The following NSUN3 variants were observed in gnomAD, a reference collection of about 807,000 sequenced individuals.
NSUN3 encodes tRNA (cytosine(34)-C(5))-methyltransferase, mitochondrial.
NSUN3 carries 24 observed loss-of-function variants against 36.8 expected under a neutral mutation model. The ratio of observed to expected loss-of-function variants is 0.65; its 90% confidence interval spans 0.47 to 0.92. The LOEUF (loss-of-function observed/expected upper bound fraction) is 0.92. Among genes scored for constraint, NSUN3 ranks in the 40% least tolerant of loss-of-function variants. The probability of loss-of-function intolerance (pLI) is 0.00; values close to 1 mark genes in which losing one functional copy is unlikely to be tolerated. For synonymous variants in NSUN3, 146 were observed against 145.2 expected, an observed-to-expected ratio of 1.01 and a Z score of -0.04; for missense variants, 381 against 392.8, an observed-to-expected ratio of 0.97 and a Z score of 0.25.
At position 94,084,165 on chromosome 3, in the gene NSUN3, T is replaced by G; in HGVS notation, c.181T>G (p.Tyr61Asp). ...QYAVLLNRFN[Y>D]PFELEKDLHL... ...TGCTGTCCTGCTTAACCGATTCAAT[T>G]ATCCTTTTGAACTGGAAAAGGATTT... The change falls in exon 3 of 6, where the codon TAT becomes GAT. Residue 61 changes from tyrosine to aspartate, a missense_variant. Physicochemically the swap from Tyr to Asp is radical, Grantham distance 160. Transcript: ENST00000314622. 6.2e-7 allele frequency: 1 copy of G among 1,614,176 alleles called. No homozygotes were observed. The highest frequency in any genetic ancestry group is 8.5e-7 in the Non-Finnish European group (1 of 1,180,006).
intron 5 of NSUN3, among the ~76,000 whole-genome samples, chr3:94,108,231 G>A (rs961702024): frequency 1.3e-5 from 2 of 151,930 alleles, no homozygotes; most frequent in African/African-American, 2.4e-5. Context: ...TTTAAGTTCT[G>A]TGATACATGT....
chr3:94,080,983 G>A (rs182265929), intron 2 of NSUN3, among the ~76,000 whole-genome samples: 9 of 152,262 alleles, frequency 5.9e-5, no homozygotes, highest in Admixed American at 1.3e-4. Context: ...CAGCTAGTTC[G>A]GTGTCTGCCT....
intron 3 of NSUN3, among the ~76,000 whole-genome samples, chr3:94,087,154 A>G (rs541203990): frequency 1.3e-5 from 2 of 152,356 alleles, no homozygotes; most frequent in African/African-American, 4.8e-5. Context: ...TTTTCATCTA[A>G]GTAGGACTAA....
chr3:94,084,515 A>G (rs2077284507), intron 3 of NSUN3, 65 bp downstream of exon 3: 2 of 1,242,200 alleles, frequency 1.6e-6, no homozygotes, highest in Middle Eastern at 3.9e-4. Flanking sequence ...AGAATTCTGA[A>G]AGTATATATG....
At chr3:94,074,250 G>A (rs2077237576) in intron 2 of NSUN3, among the ~76,000 whole-genome samples, 1 of 152,164 alleles carries the variant, frequency 6.6e-6, no homozygotes. Flanking sequence ...CTCCAGCTTT[G>A]TTCTTTTTCC....
rs1226951237 is a variant in NSUN3 at position 94,127,682 on chromosome 3, C to T, written c.*1192C>T. The T allele has an allele frequency of 2.0e-5, 3 of 151,784 alleles. No homozygotes were observed. Among genetic ancestry groups the T allele is most frequent in the Non-Finnish European group, 4.4e-5 (3 of 67,956 alleles). 9.4% of individuals were successfully genotyped at this position (151,784 alleles called of 1,614,324 possible). On this transcript the variant is annotated 3_prime_UTR_variant, in exon 6 of 6. Transcript: ENST00000314622. ...AAAATAGCATCTCTTTGGAAAATAG[C>T]CTTTAAAAAAAAACAACTTTATCTG... is the stretch of plus-strand genomic sequence containing the variant.
chr3:94,095,456 T>G (rs1382147429), intron 5 of NSUN3, among the ~76,000 whole-genome samples: 27 of 152,210 alleles, frequency 1.8e-4, no homozygotes, highest in Admixed American at 1.7e-3. Flanking sequence ...TGGGGGTTCA[T>G]AGCCCTGTTT....
intron 5 of NSUN3, among the ~76,000 whole-genome samples, chr3:94,110,428 G>A (rs2077411461): frequency 6.6e-6 from 1 of 151,790 alleles, no homozygotes; most frequent in Non-Finnish European, 1.5e-5. Context: ...ACCCTGTGAG[G>A]CCCAAATTGC....
rs1036519214 is a variant in NSUN3, at chr3:94,130,373, A to G, written c.*3883A>G. Reference sequence around the variant, plus strand: ...TGTGAAGAGACAAAATAATGAGAATACTTTTACCAAAGATAATGAAATCTT... The same window carrying G: ...TGTGAAGAGACAAAATAATGAGAATGCTTTTACCAAAGATAATGAAATCTT... On this transcript the variant is annotated 3_prime_UTR_variant, in exon 6 of 6. Coordinates refer to ENST00000314622, the MANE Select transcript of NSUN3 (RefSeq NM_022072.5). Among the ~76,000 whole-genome samples, 1 of 152,176 alleles carries G rather than the reference A, an allele frequency of 6.6e-6. No homozygotes were observed. The highest frequency in any genetic ancestry group is 1.5e-5 in the Non-Finnish European group (1 of 68,028).
rs992890115 is a variant in NSUN3, at chr3:94,127,123, G to C, written c.*633G>C. The C allele has an allele frequency of 2.0e-5, 3 of 152,148 alleles. No homozygotes were observed. The highest frequency in any genetic ancestry group is 4.4e-5 in the Non-Finnish European group (3 of 68,038). 9.4% of individuals were successfully genotyped at this position (152,148 alleles called of 1,614,324 possible). A position where few individuals can be genotyped will look rare whatever the true frequency, so the allele number is the denominator to read the frequency against. ...TTTTTTGCATTCACAAATACAAATT[G>C]AAAGGGTAAATTATATTGAAAGGCC... is the stretch of plus-strand genomic sequence containing the variant. On this transcript the variant is annotated 3_prime_UTR_variant, in exon 6 of 6. Coordinates refer to ENST00000314622, the MANE Select transcript of NSUN3 (RefSeq NM_022072.5).
At chr3:94,106,101 A>C (rs2077387724) in intron 5 of NSUN3, among the ~76,000 whole-genome samples, 1 of 152,160 alleles carries the variant, frequency 6.6e-6, no homozygotes, top group African/African-American at 2.4e-5. Flanking sequence ...AGAGGTAGTA[A>C]ATGTGAAGTC....
chr3:94,065,865 G>T (rs2077202391), intron 2 of NSUN3, among the ~76,000 whole-genome samples: 1 of 152,076 alleles, frequency 6.6e-6, no homozygotes, highest in South Asian at 2.1e-4. Flanking sequence ...AACACTTATT[G>T]CATGTTTACT....
intron 2 of NSUN3, among the ~76,000 whole-genome samples, chr3:94,067,285 A>G (rs1428271813): frequency 6.6e-6 from 1 of 152,234 alleles, no homozygotes; most frequent in African/African-American, 2.4e-5. Context: ...TGGAAGCTTC[A>G]TGCTTTGAAT....
At chr3:94,111,863 G>A (rs557558681) in intron 5 of NSUN3, among the ~76,000 whole-genome samples, 11 of 151,356 alleles carry the variant, frequency 7.3e-5, no homozygotes, top group Middle Eastern at 3.4e-3. Context: ...ATGATAAAAA[G>A]TATAGTAAAT....
Position 94,126,208 on chromosome 3 carries a change from C to A in NSUN3, c.744-3C>A. 1.2e-6 allele frequency: 2 copies of A among 1,604,306 alleles called. No individual in the cohort carries two copies. The highest frequency in any genetic ancestry group is 1.7e-6 in the Non-Finnish European group (2 of 1,173,708). On this transcript the variant is annotated splice_region_variant and splice_polypyrimidine_tract_variant and intron_variant, in intron 5 of 5. Coordinates refer to ENST00000314622, the MANE Select transcript of NSUN3 (RefSeq NM_022072.5). ...TCTTTTGCATTTTTCTGATTGCACA[C>A]AGGTCTGCAATTAAGGCCTTACGTC...
chr3:94,112,703 G>A (rs1174440183), intron 5 of NSUN3, among the ~76,000 whole-genome samples: 1 of 152,138 alleles, frequency 6.6e-6, no homozygotes, highest in African/African-American at 2.4e-5. Flanking sequence ...TATGGTTATG[G>A]TTATTACAAG....
intron 5 of NSUN3, among the ~76,000 whole-genome samples, chr3:94,103,274 C>T (rs187039661): frequency 4.0e-4 from 61 of 152,064 alleles, no homozygotes; most frequent in Middle Eastern, 6.9e-3. Context: ...GGTCCTCAGG[C>T]CAGTTATCGT....
At chr3:94,099,836 T>A (rs1007872572) in intron 5 of NSUN3, among the ~76,000 whole-genome samples, 1 of 151,828 alleles carries the variant, frequency 6.6e-6, no homozygotes, top group Non-Finnish European at 1.5e-5. Context: ...ACTTTTATCA[T>A]CAGGAATAGC....
At chr3:94,110,816 ATGTGTG>A (rs541709907) in intron 5 of NSUN3, among the ~76,000 whole-genome samples, 5 of 146,352 alleles carry the variant, frequency 3.4e-5, no homozygotes, top group South Asian at 2.2e-4. Flanking sequence ...ATATACATAT[ATGTGTG>A]TGTGTGTGTG....
Sources: allele counts gnomAD v4.1 joint callset (sites outside exome capture counted in the v4.1 genomes callset), GRCh38; gene constraint gnomAD v4.1.1; transcripts MANE v1.5; gene names NCBI Gene and HGNC (gene_info 2026-07-23, HGNC 2026-07-21).